Variants in DNAJC6 observed in about 807,000 individuals in gnomAD.
DNAJC6 encodes the protein DnaJ heat shock protein family (Hsp40) member C6, also known as auxilin.
A neutral mutation model predicts 110.0 loss-of-function variants in DNAJC6; 34 were observed. The observed-to-expected ratio is 0.31, with a 90% CI of 0.24 to 0.41. The LOEUF is 0.41. Ranked by LOEUF, DNAJC6 falls within the 10% of genes least tolerant of loss-of-function variation. DNAJC6 has a pLI of 1.00. For synonymous variants in DNAJC6, 406 were observed against 437.2 expected (o/e 0.93, Z 0.89); for missense variants, 1,031 against 1,207.8 (o/e 0.85, Z 2.17).
In DNAJC6 at chr1:65,374,443, C is replaced by A. The variant is rs148572613; in HGVS notation, c.544-4959C>A. Among the ~76,000 whole-genome samples, 296 of 149,744 alleles carry A rather than the reference C, an allele frequency of 2.0e-3. 2 individuals are homozygous for A. The highest frequency in any genetic ancestry group is 6.9e-3 in the African/African-American group (285 of 41,086). ...AATACCTTTCCTTTTTTTGTGTCCT[C>A]TTCTATTTCTTTCATCAGAGTTTTA... is the stretch of plus-strand genomic sequence containing the variant. On this transcript the variant is annotated intron_variant, in intron 4 of 18. Transcript: ENST00000371069.
chr1:65,387,464 C>T (rs1379117144), intron 8 of DNAJC6, among the ~76,000 whole-genome samples: 4 of 152,198 alleles, frequency 2.6e-5, no homozygotes, highest in Non-Finnish European at 5.9e-5. Context: ...TATTCCCTCT[C>T]CTCCATCTCC....
chr1:65,379,328 TG>T (rs1250934334), intron 4 of DNAJC6, 73 bp from the exon 5 acceptor site: 59 of 1,573,940 alleles, frequency 3.7e-5, no homozygotes, highest in Non-Finnish European at 5.1e-5. Flanking sequence ...CAGAAGATGT[TG>T]GTTGGTGTGA....
chr1:65,382,275 T>C (rs545588223), intron 5 of DNAJC6, among the ~76,000 whole-genome samples: 242 of 152,308 alleles, frequency 1.6e-3, no homozygotes, highest in African/African-American at 5.5e-3. Flanking sequence ...ATTTCTTAGT[T>C]TTTTCTAGTC....
Position 65,364,543 on chromosome 1 carries a change from T to C in DNAJC6, c.194-92T>C, listed in dbSNP as rs140360731. The C allele has an allele frequency of 6.8e-5, 93 of 1,360,126 alleles. 1 individual carries two copies. The African/African-American group carries it at 1.3e-3, about 20-fold the overall frequency. The allele number at this position is 1,360,126 out of a possible 1,614,324, so 84.3% of individuals were successfully genotyped here. On this transcript the variant is annotated intron_variant, in intron 1 of 18. Coordinates refer to ENST00000371069, the MANE Select transcript of DNAJC6 (RefSeq NM_001256864.2). ...CTGTCCCAGACTCTTAAAGACAGTC[T>C]GTGTATGTTTTAAGAATGAAGAGGG...
At chr1:65,362,629 A>G (rs1030915864) in intron 1 of DNAJC6, among the ~76,000 whole-genome samples, 1 of 152,160 alleles carries the variant, frequency 6.6e-6, no homozygotes, top group Non-Finnish European at 1.5e-5. Flanking sequence ...TTTTATCCCT[A>G]TTTTACAGAT....
chr1:65,399,131 G>T (rs1194140333), intron 14 of DNAJC6, among the ~76,000 whole-genome samples: 3 of 151,960 alleles, frequency 2.0e-5, no homozygotes, highest in African/African-American at 7.3e-5. Context: ...AGAATCAGAC[G>T]GATATAAATA....
chr1:65,340,188 C>G (rs1268447919), intron 1 of DNAJC6, among the ~76,000 whole-genome samples: 2 of 152,146 alleles, frequency 1.3e-5, no homozygotes, highest in African/African-American at 4.8e-5. Flanking sequence ...ATGCAGATTC[C>G]CAAATGCCTG....
At chr1:65,279,248 G>A (rs1279026399) in intron 1 of DNAJC6, 1 of 750,732 alleles carries the variant, frequency 1.3e-6, no homozygotes, top group Admixed American at 6.3e-5. Flanking sequence ...ACCCAGCTGT[G>A]ACTCCTGCTG....
chr1:65,322,325 T>C (rs1347159838), intron 1 of DNAJC6, among the ~76,000 whole-genome samples: 1 of 152,178 alleles, frequency 6.6e-6, no homozygotes, highest in African/African-American at 2.4e-5. Context: ...ATCCATTTTT[T>C]TCTATCTTCT....
chr1:65,271,080 ATT>A (rs1181790866), intron 1 of DNAJC6, among the ~76,000 whole-genome samples: 1 of 150,412 alleles, frequency 6.6e-6, no homozygotes, highest in Non-Finnish European at 1.5e-5. Flanking sequence ...CTTGTTTTTT[ATT>A]TTTTTTTATT....
intron 1 of DNAJC6, among the ~76,000 whole-genome samples, chr1:65,318,168 G>A (rs939540785): frequency 1.3e-5 from 2 of 152,032 alleles, no homozygotes; most frequent in Non-Finnish European, 2.9e-5. Flanking sequence ...TATCTACTAG[G>A]CACAGTGTCT....
At chr1:65,326,558 G>C (rs900441781) in intron 1 of DNAJC6, among the ~76,000 whole-genome samples, 2 of 152,216 alleles carry the variant, frequency 1.3e-5, no homozygotes, top group African/African-American at 4.8e-5. Flanking sequence ...AAGGAAGGTA[G>C]TTGTCATAAA....
intron 1 of DNAJC6, among the ~76,000 whole-genome samples, chr1:65,330,933 T>C (rs2101452284): frequency 6.6e-6 from 1 of 152,322 alleles, no homozygotes; most frequent in Non-Finnish European, 1.5e-5. Context: ...TTCCAGCCAA[T>C]GTGAAGGCGA....
At chr1:65,294,997 T>G (rs1644915659) in intron 1 of DNAJC6, among the ~76,000 whole-genome samples, 1 of 152,188 alleles carries the variant, frequency 6.6e-6, no homozygotes, top group South Asian at 2.1e-4. Flanking sequence ...CATCTGAAGT[T>G]TTTCTTTTTA....
At chr1:65,302,769 T>G (rs562289835) in intron 1 of DNAJC6, among the ~76,000 whole-genome samples, 1 of 151,482 alleles carries the variant, frequency 6.6e-6, no homozygotes, top group East Asian at 1.9e-4. Context: ...TCTCCTGACC[T>G]CATGATCCAC....
Position 65,413,907 on chromosome 1 carries a change from T to C in DNAJC6, c.*882T>C, listed in dbSNP as rs1392037833. The C allele has an allele frequency of 6.6e-6, 1 of 152,194 alleles. No individual in the cohort carries two copies. Among genetic ancestry groups the C allele is most frequent in the Non-Finnish European group, 1.5e-5 (1 of 68,038 alleles). The allele number at this position is 152,194 out of a possible 1,614,324, so 9.4% of individuals were successfully genotyped here. A position where few individuals can be genotyped will look rare whatever the true frequency, so the allele number is the denominator to read the frequency against. On this transcript the variant is annotated 3_prime_UTR_variant, in exon 19 of 19. Transcript: ENST00000371069. Reference sequence around the variant, plus strand: ...GAAAACATTCTTAGTTGGAAACAGGTGGTAAAGTAGTTTGGCCTGTTCACA... The same window carrying C: ...GAAAACATTCTTAGTTGGAAACAGGCGGTAAAGTAGTTTGGCCTGTTCACA...
intron 1 of DNAJC6, among the ~76,000 whole-genome samples, chr1:65,275,311 A>AT (rs1362655127): frequency 6.6e-6 from 1 of 152,118 alleles, no homozygotes; most frequent in Admixed American, 6.6e-5. Context: ...AAATGAGTTG[A>AT]TTTTGTCTTT....
chr1:65,382,162 A>G (rs1243923559), intron 5 of DNAJC6, among the ~76,000 whole-genome samples: 2 of 152,360 alleles, frequency 1.3e-5, no homozygotes, highest in Middle Eastern at 3.4e-3. Flanking sequence ...CTCTTAGCAA[A>G]AAAGGAATCT....
chr1:65,278,143 G>T (rs112250693), intron 1 of DNAJC6, among the ~76,000 whole-genome samples: 4 of 152,140 alleles, frequency 2.6e-5, no homozygotes, highest in Non-Finnish European at 5.9e-5. Flanking sequence ...CCCAGGTTGC[G>T]CGCTGCGTTT....
Sources: allele counts gnomAD v4.1 joint callset (sites outside exome capture counted in the v4.1 genomes callset), GRCh38; gene constraint gnomAD v4.1.1; transcripts MANE v1.5; gene names NCBI Gene and HGNC (gene_info 2026-07-23, HGNC 2026-07-21).